Variants in MGAT4A observed in about 807,000 individuals in gnomAD.
MGAT4A encodes the protein N-acetylglucosaminyltransferase IVa.
A neutral mutation model predicts 74.1 loss-of-function variants in MGAT4A; 33 were observed. That is an observed-to-expected ratio of 0.45 (90% CI 0.34 to 0.60). MGAT4A has a LOEUF of 0.60. MGAT4A is among the 20% of genes least tolerant of loss of function. The probability of loss-of-function intolerance (pLI) is 0.02; values close to 1 mark genes in which losing one functional copy is unlikely to be tolerated. For missense variants in MGAT4A, 479 were observed against 628.3 expected, an observed-to-expected ratio of 0.76 and a Z score of 2.54; for synonymous variants, 198 against 210.4, an observed-to-expected ratio of 0.94 and a Z score of 0.51.
At chr2:98,705,702 G>C (rs1299388550) in intron 2 of MGAT4A, among the ~76,000 whole-genome samples, 1 of 152,142 alleles carries the variant, frequency 6.6e-6, no homozygotes, top group Non-Finnish European at 1.5e-5. Context: ...CCAGCACTTT[G>C]GGAGGCCGAG....
chr2:98,712,895 C>T (rs943154316), intron 2 of MGAT4A, among the ~76,000 whole-genome samples: 6 of 152,228 alleles, frequency 3.9e-5, no homozygotes, highest in African/African-American at 1.4e-4. Flanking sequence ...GGCACAGTGG[C>T]TCATGCCTGT....
intron 2 of MGAT4A, among the ~76,000 whole-genome samples, chr2:98,688,566 T>C (rs1354904452): frequency 6.6e-6 from 1 of 152,228 alleles, no homozygotes; most frequent in Non-Finnish European, 1.5e-5. Flanking sequence ...CTAGCTGACT[T>C]TGAAGAAGTA....
chr2:98,649,497 G>T (rs1701546010), intron 8 of MGAT4A, among the ~76,000 whole-genome samples: 1 of 152,116 alleles, frequency 6.6e-6, no homozygotes, highest in Non-Finnish European at 1.5e-5. Flanking sequence ...GCAGCCAGAG[G>T]GAATGATTTC....
chr2:98,655,626 A>G (rs1022000030), intron 7 of MGAT4A, 106 bp from the exon 8 acceptor site: 8 of 705,652 alleles, frequency 1.1e-5, no homozygotes, highest in South Asian at 5.4e-5. Context: ...TCATCTATGT[A>G]TATGTGTACA....
intron 2 of MGAT4A, among the ~76,000 whole-genome samples, chr2:98,701,208 C>T (rs1702351612): frequency 6.6e-6 from 1 of 152,196 alleles, no homozygotes; most frequent in African/African-American, 2.4e-5. Flanking sequence ...TTTAACACTG[C>T]TCTAAAGATT....
At chr2:98,632,222 CACTGG>C (rs1429219175) in intron 14 of MGAT4A, among the ~76,000 whole-genome samples, 1 of 152,186 alleles carries the variant, frequency 6.6e-6, no homozygotes, top group Non-Finnish European at 1.5e-5. Context: ...AACACGCGCC[CACTGG>C]GACCTCAGGA....
Position 98,623,850 on chromosome 2 carries a change from C to G in MGAT4A, c.*1716G>C, listed in dbSNP as rs1701099211. On this transcript the variant is annotated 3_prime_UTR_variant, in exon 16 of 16. Coordinates refer to ENST00000393487, the MANE Select transcript of MGAT4A (RefSeq NM_012214.3). Reference sequence around the variant, plus strand: ...GGTAACTAGATGAAGCTCCTCCAGGCTAGAGGCAGCCAGCTGGAACCTTGC... The same window carrying G: ...GGTAACTAGATGAAGCTCCTCCAGGGTAGAGGCAGCCAGCTGGAACCTTGC... The G allele has an allele frequency of 2.0e-6, 2 of 985,436 alleles. No homozygotes were observed. The highest frequency in any genetic ancestry group is 2.4e-6 in the Non-Finnish European group (2 of 829,966). 61.0% of individuals were successfully genotyped at this position (985,436 alleles called of 1,614,324 possible).
Position 98,623,050 on chromosome 2 carries a change from G to A in MGAT4A, c.*2516C>T. On this transcript the variant is annotated 3_prime_UTR_variant, in exon 16 of 16. Transcript: ENST00000393487. ...ATACAAAATGATAAAAAGAGAAAGA[G>A]GAGGGCAGGCTGGAATAATTGGTCT... The A allele has an allele frequency of 1.0e-6, 1 of 985,620 alleles. No homozygotes were observed. Among genetic ancestry groups the A allele is most frequent in the Non-Finnish European group, 1.2e-6 (1 of 830,170 alleles). 61.1% of individuals were successfully genotyped at this position (985,620 alleles called of 1,614,324 possible). A position where few individuals can be genotyped will look rare whatever the true frequency, so the allele number is the denominator to read the frequency against.
chr2:98,710,452 A>G (rs1270320813), intron 2 of MGAT4A, among the ~76,000 whole-genome samples: 7 of 152,108 alleles, frequency 4.6e-5, no homozygotes, highest in Admixed American at 3.3e-4. Context: ...ATTTTGTGTC[A>G]GTTTGGGTTG....
intron 14 of MGAT4A, among the ~76,000 whole-genome samples, chr2:98,626,346 A>T (rs1035588974): frequency 5.3e-5 from 8 of 152,216 alleles, no homozygotes; most frequent in African/African-American, 1.9e-4. Context: ...TCCTCTACAC[A>T]GTTCAATATA....
chr2:98,637,009 T>C (rs138121624), intron 12 of MGAT4A, among the ~76,000 whole-genome samples: 3 of 152,314 alleles, frequency 2.0e-5, no homozygotes, highest in African/African-American at 4.8e-5. Context: ...AGTCATGGCA[T>C]GTCCAAAGAC....
intron 4 of MGAT4A, chr2:98,663,501 A>G (rs2104272036): frequency 2.2e-6 from 3 of 1,347,946 alleles, no homozygotes; most frequent in Non-Finnish European, 2.9e-6. Context: ...AACATATCTT[A>G]AAAACTAATG....
At chr2:98,627,379 C>G (rs1029350586) in intron 14 of MGAT4A, among the ~76,000 whole-genome samples, 9 of 149,796 alleles carry the variant, frequency 6.0e-5, no homozygotes, top group Admixed American at 2.0e-4. Flanking sequence ...AACTAGTTTT[C>G]TTTTTTTTTT....
intron 2 of MGAT4A, among the ~76,000 whole-genome samples, chr2:98,697,343 C>T (rs1037903437): frequency 1.1e-4 from 17 of 152,072 alleles, no homozygotes; most frequent in Admixed American, 2.6e-4. Flanking sequence ...TCCAAAATGA[C>T]AAAGTTATAG....
chr2:98,681,427 T>C (rs1702058314), intron 2 of MGAT4A, among the ~76,000 whole-genome samples: 1 of 152,228 alleles, frequency 6.6e-6, no homozygotes, highest in Non-Finnish European at 1.5e-5. Flanking sequence ...ATACGTTATA[T>C]GGTTTCAGAA....
At chr2:98,658,297 G>T in intron 5 of MGAT4A, 33 bp from the exon 6 acceptor site, 1 of 1,343,908 alleles carries the variant, frequency 7.4e-7, no homozygotes, top group Non-Finnish European at 1.0e-6. Context: ...CTATATTCAA[G>T]TTTTTATATT....
At chr2:98,706,497 T>C (rs1434150231) in intron 2 of MGAT4A, among the ~76,000 whole-genome samples, 1 of 152,074 alleles carries the variant, frequency 6.6e-6, no homozygotes, top group Non-Finnish European at 1.5e-5. Context: ...GCCCAGCTAA[T>C]TTTTGTATTT....
chr2:98,695,475 A>C (rs187891745), intron 2 of MGAT4A: 38 of 189,512 alleles, frequency 2.0e-4, no homozygotes, highest in Non-Finnish European at 3.7e-4. Flanking sequence ...GCAATGCAGC[A>C]GAAGGGGCTG....
rs1241505067 is a variant in MGAT4A, at chr2:98,641,892, C to G, written c.1021-1664G>C. Among the ~76,000 whole-genome samples, 5 of 150,678 alleles carry G rather than the reference C, an allele frequency of 3.3e-5. 1 individual carries two copies. The highest frequency in any genetic ancestry group is 1.2e-4 in the African/African-American group (5 of 40,972). ...CCTGTAGTCCCAGCTACTCAGGAGGCTGAGAGGCAGGAGAATCGCTTGAAC... is the reference window on the plus strand; with the variant it reads ...CCTGTAGTCCCAGCTACTCAGGAGGGTGAGAGGCAGGAGAATCGCTTGAAC... On this transcript the variant is annotated intron_variant, in intron 10 of 15. Coordinates refer to ENST00000393487, the MANE Select transcript of MGAT4A (RefSeq NM_012214.3).
Sources: allele counts gnomAD v4.1 joint callset (sites outside exome capture counted in the v4.1 genomes callset), GRCh38; gene constraint gnomAD v4.1.1; transcripts MANE v1.5; gene names NCBI Gene and HGNC (gene_info 2026-07-23, HGNC 2026-07-21).